The following TMEM131 variants were observed in gnomAD, a reference collection of about 807,000 sequenced individuals.
The protein encoded by TMEM131 is 2610524E03Rik.
In TMEM131, 66 loss-of-function variants were observed where a neutral mutation model predicts 211.6. The ratio of observed to expected loss-of-function variants is 0.31; its 90% CI spans 0.26 to 0.38. TMEM131 has a LOEUF of 0.38. Among genes scored for constraint, TMEM131 ranks in the 10% least tolerant of loss-of-function variants. The probability of loss-of-function intolerance (pLI) is 1.00; values close to 1 mark genes in which losing one functional copy is unlikely to be tolerated. For synonymous variants in TMEM131, 844 were observed against 841.3 expected, an observed-to-expected ratio of 1.00 and a Z score of -0.06; for missense variants, 2,036 against 2,299.3, an observed-to-expected ratio of 0.89 and a Z score of 2.34.
chr2:97,990,780 A>C (rs1680228896), intron 1 of TMEM131, among the ~76,000 whole-genome samples: 1 of 152,232 alleles, frequency 6.6e-6, no homozygotes, highest in African/African-American at 2.4e-5. Flanking sequence ...TCTCAGGTAT[A>C]AAAAGTCCTA....
chr2:97,933,437 A>G (rs1677313876), intron 1 of TMEM131, among the ~76,000 whole-genome samples: 1 of 152,322 alleles, frequency 6.6e-6, no homozygotes, highest in East Asian at 1.9e-4. Context: ...ACGGGGACAG[A>G]AAGTAGATTA....
At chr2:97,797,292 A>G in intron 26 of TMEM131, 73 bp downstream of exon 26, 1 of 1,375,144 alleles carries the variant, frequency 7.3e-7, no homozygotes, top group Non-Finnish European at 9.9e-7. Flanking sequence ...AGACATGCAA[A>G]TTCATCTTAA....
intron 1 of TMEM131, among the ~76,000 whole-genome samples, chr2:97,985,574 T>A (rs940101199): frequency 6.6e-6 from 1 of 152,006 alleles, no homozygotes; most frequent in Non-Finnish European, 1.5e-5. Flanking sequence ...AATAATCATT[T>A]AGGGAGAGGG....
At chr2:97,946,882 C>T (rs929842987) in intron 1 of TMEM131, among the ~76,000 whole-genome samples, 5 of 151,642 alleles carry the variant, frequency 3.3e-5, no homozygotes, top group Non-Finnish European at 7.4e-5. Flanking sequence ...AACATCATGA[C>T]CAAGTGGGAT....
At chr2:97,919,434 AT>A (rs1676645334) in intron 2 of TMEM131, among the ~76,000 whole-genome samples, 1 of 151,872 alleles carries the variant, frequency 6.6e-6, no homozygotes, top group Admixed American at 6.5e-5. Flanking sequence ...AGTTTGGCAA[AT>A]TTTTTCAGTA....
At chr2:97,805,842 T>C (rs1681270414) in intron 19 of TMEM131, 139 bp from the exon 20 acceptor site, 5 of 825,018 alleles carry the variant, frequency 6.1e-6, no homozygotes, top group South Asian at 6.3e-5. Flanking sequence ...ATTGATAATC[T>C]TTAAATTGTA....
chr2:97,819,099 G>C (rs1681990456), intron 11 of TMEM131, among the ~76,000 whole-genome samples: 1 of 152,192 alleles, frequency 6.6e-6, no homozygotes, highest in African/African-American at 2.4e-5. Flanking sequence ...ACAATACTGA[G>C]GAAATATCTG....
intron 5 of TMEM131, 77 bp from the exon 6 acceptor site, chr2:97,844,338 G>C (rs1287831775): frequency 2.3e-6 from 1 of 438,486 alleles, no homozygotes; most frequent in East Asian, 3.7e-5. Flanking sequence ...AAGTTTCTTA[G>C]AATCACTTCC....
chr2:97,759,139 T>C, intron 39 of TMEM131, 86 bp from the exon 40 acceptor site: 1 of 1,528,472 alleles, frequency 6.5e-7, no homozygotes. Flanking sequence ...ATGGCATACC[T>C]CCAACCACTG....
At chr2:97,902,198 A>C (rs1373233750) in intron 3 of TMEM131, among the ~76,000 whole-genome samples, 1 of 152,196 alleles carries the variant, frequency 6.6e-6, no homozygotes, top group African/African-American at 2.4e-5. Flanking sequence ...TGGGAGAAGG[A>C]TGAAGAGAAA....
rs1239831659 is a variant in TMEM131, at chr2:97,917,947, C to CT, written c.250-9250dup. 1.3e-3 allele frequency among the ~76,000 whole-genome samples: 189 copies of CT among 146,016 alleles called. 1 individual carries two copies. Among genetic ancestry groups the CT allele is most frequent in the Admixed American group, 2.0e-3 (29 of 14,542 alleles). ...AATCACATGATTGGTTTTTTTCTCT[C>CT]TTTTTTTTTTTTTTCTTGAGACAGA... On this transcript the variant is annotated intron_variant, in intron 2 of 40. Coordinates refer to ENST00000186436, the MANE Select transcript of TMEM131 (RefSeq NM_015348.2).
chr2:97,909,171 T>TA (rs1676196131), intron 2 of TMEM131, among the ~76,000 whole-genome samples: 2 of 152,230 alleles, frequency 1.3e-5, no homozygotes, highest in South Asian at 2.1e-4. Flanking sequence ...TTGCCATACT[T>TA]AAACACATCA....
At chr2:97,759,245 G>T in intron 39 of TMEM131, 192 bp from the exon 40 acceptor site, 1 of 642,720 alleles carries the variant, frequency 1.6e-6, no homozygotes, top group Non-Finnish European at 2.7e-6. Flanking sequence ...TAGTGCACGA[G>T]CTGATATGCC....
At chr2:97,917,123 C>CTA (rs1676539833) in intron 2 of TMEM131, among the ~76,000 whole-genome samples, 1 of 152,162 alleles carries the variant, frequency 6.6e-6, no homozygotes, top group African/African-American at 2.4e-5. Flanking sequence ...AGTTGGTAAT[C>CTA]TATTAGCCCA....
At chr2:97,839,445 A>AGT (rs1683093483) in intron 7 of TMEM131, among the ~76,000 whole-genome samples, 1 of 152,260 alleles carries the variant, frequency 6.6e-6, no homozygotes, top group African/African-American at 2.4e-5. Flanking sequence ...AGTCTAAATT[A>AGT]CAAAGTCAAA....
rs577553588 is a variant in TMEM131, at chr2:97,938,124, C to T, written c.188-10637G>A. Reference sequence around the variant, plus strand: ...GCTAGGAAGAAACTGTATCAACTAACGAGCAAAATAACCAGCTAACATCAT... The same window carrying T: ...GCTAGGAAGAAACTGTATCAACTAATGAGCAAAATAACCAGCTAACATCAT... On this transcript the variant is annotated intron_variant, in intron 1 of 40. Transcript: ENST00000186436. Among the ~76,000 whole-genome samples, 8 of 152,234 alleles carry T rather than the reference C, an allele frequency of 5.3e-5. No individual in the cohort carries two copies. The East Asian group carries it at 7.7e-4, about 15-fold the overall frequency.
At chr2:97,917,111 G>T (rs1465305372) in intron 2 of TMEM131, among the ~76,000 whole-genome samples, 2 of 152,128 alleles carry the variant, frequency 1.3e-5, no homozygotes, top group African/African-American at 4.8e-5. Flanking sequence ...ATTTAGAAAA[G>T]AAGTTGGTAA....
chr2:97,955,816 TA>T (rs1281859164), intron 1 of TMEM131, among the ~76,000 whole-genome samples: 1 of 152,076 alleles, frequency 6.6e-6, no homozygotes, highest in Non-Finnish European at 1.5e-5. Flanking sequence ...ATCTATATAC[TA>T]AAAAATTTTA....
chr2:97,859,761 T>C (rs1673991546), intron 4 of TMEM131, among the ~76,000 whole-genome samples: 1 of 152,216 alleles, frequency 6.6e-6, no homozygotes, highest in Admixed American at 6.5e-5. Flanking sequence ...CTCCTACCAA[T>C]TGTGTCCTCT....
Sources: allele counts gnomAD v4.1 joint callset (sites outside exome capture counted in the v4.1 genomes callset), GRCh38; gene constraint gnomAD v4.1.1; transcripts MANE v1.5; gene names NCBI Gene and HGNC (gene_info 2026-07-23, HGNC 2026-07-21).